The following PREX2 variants were observed in gnomAD, a reference collection of about 807,000 sequenced individuals.
PREX2 encodes phosphatidylinositol-3,4,5-trisphosphate dependent Rac exchange factor 2, also known as phosphatidylinositol 3,4,5-trisphosphate-dependent Rac exchanger 2 protein.
PREX2 carries 107 observed loss-of-function variants against 203.2 expected under a neutral mutation model. That is an observed-to-expected ratio of 0.53 (90% CI 0.45 to 0.62). The LOEUF is 0.62. Among genes scored for constraint, PREX2 ranks in the 20% least tolerant of loss-of-function variants. PREX2 has a pLI of 0.00. For missense variants in PREX2, 1,777 were observed against 1,955.9 expected (o/e 0.91, Z 1.72); for synonymous variants, 672 against 663.6 (o/e 1.01, Z -0.19).
chr8:68,124,323 C>CTAA (rs1431669251), intron 30 of PREX2, among the ~76,000 whole-genome samples: 3 of 151,966 alleles, frequency 2.0e-5, no homozygotes, highest in Admixed American at 2.0e-4. Context: ...AAAGAATGAG[C>CTAA]TAATGTCCTT....
intron 15 of PREX2, 22 bp from the exon 16 acceptor site, chr8:68,080,421 T>C: frequency 4.4e-6 from 7 of 1,605,772 alleles, no homozygotes; most frequent in Non-Finnish European, 5.1e-6. Context: ...CTGAAATAAT[T>C]TGCATCTGTC....
At chr8:68,168,276 C>G (rs1025464553) in intron 35 of PREX2, among the ~76,000 whole-genome samples, 1 of 152,066 alleles carries the variant, frequency 6.6e-6, no homozygotes, top group African/African-American at 2.4e-5. Flanking sequence ...GTATAACTAG[C>G]AGGGAGAAAT....
intron 1 of PREX2, among the ~76,000 whole-genome samples, chr8:67,991,566 A>G (rs1240217843): frequency 6.6e-6 from 1 of 152,204 alleles, no homozygotes; most frequent in Non-Finnish European, 1.5e-5. Context: ...GTATAAAATC[A>G]TCAGATCTCA....
At chr8:68,055,371 A>G (rs754451900) in intron 9 of PREX2, among the ~76,000 whole-genome samples, 1 of 152,226 alleles carries the variant, frequency 6.6e-6, no homozygotes, top group Non-Finnish European at 1.5e-5. Flanking sequence ...ACACCTGTGC[A>G]TTCAAGACAG....
At chr8:68,006,279 G>A (rs977732965) in intron 1 of PREX2, among the ~76,000 whole-genome samples, 5 of 152,152 alleles carry the variant, frequency 3.3e-5, no homozygotes, top group African/African-American at 1.2e-4. Flanking sequence ...ATGAAGGGAG[G>A]CACCAGTTTC....
At chr8:68,108,413 T>G in intron 24 of PREX2, 82 bp downstream of exon 24, 1 of 902,152 alleles carries the variant, frequency 1.1e-6, no homozygotes, top group Non-Finnish European at 1.7e-6. Context: ...TGAAATTCAA[T>G]AGATACCTGG....
Position 68,134,632 on chromosome 8 carries a change from A to T in PREX2, c.3984+356A>T, listed in dbSNP as rs1376478469. ...AGTCGAAGGACACAGGCTGCTGTGA[A>T]ACCAAAGCTCCTATTGAGATGGATG... On this transcript the variant is annotated intron_variant, in intron 32 of 39. Coordinates refer to ENST00000288368, the MANE Select transcript of PREX2 (RefSeq NM_024870.4). Among the ~76,000 whole-genome samples, 3 of 152,204 alleles carry T rather than the reference A, an allele frequency of 2.0e-5. No individual in the cohort carries two copies. In the East Asian group the frequency reaches 5.8e-4, roughly 29 times the overall value.
intron 1 of PREX2, among the ~76,000 whole-genome samples, chr8:68,014,175 C>G (rs1807345515): frequency 6.6e-6 from 1 of 152,262 alleles, no homozygotes; most frequent in Non-Finnish European, 1.5e-5. Context: ...CTTATTTCAT[C>G]TTAATGAGTT....
intron 20 of PREX2, among the ~76,000 whole-genome samples, chr8:68,093,279 A>G (rs13249399): frequency 0.1 from 15,226 of 150,992 alleles, 945 homozygotes; most frequent in East Asian, 0.28. Context: ...AATGCCAGCT[A>G]CTCAGTTGGT....
chr8:68,074,352 A>T (rs1585761065), intron 14 of PREX2, among the ~76,000 whole-genome samples: 1 of 152,100 alleles, frequency 6.6e-6, no homozygotes, highest in African/African-American at 2.4e-5. Flanking sequence ...ATTGGCTGGG[A>T]CTCACAACCT....
intron 6 of PREX2, among the ~76,000 whole-genome samples, chr8:68,033,039 G>A (rs1245613985): frequency 4.6e-5 from 7 of 152,094 alleles, no homozygotes; most frequent in Non-Finnish European, 1.0e-4. Context: ...TCTATTATGG[G>A]TGGATTATTC....
chr8:67,978,862 G>A (rs1241647168), intron 1 of PREX2, among the ~76,000 whole-genome samples: 2 of 152,124 alleles, frequency 1.3e-5, no homozygotes, highest in Non-Finnish European at 2.9e-5. Flanking sequence ...ATAGCTTAGA[G>A]TAGTTATTCA....
intron 1 of PREX2, among the ~76,000 whole-genome samples, chr8:68,001,594 G>T (rs1040555549): frequency 5.9e-5 from 9 of 152,128 alleles, no homozygotes; most frequent in African/African-American, 2.2e-4. Context: ...TCATTACTGG[G>T]TATGTATCCA....
chr8:68,180,900 T>C (rs1305322685), intron 35 of PREX2, among the ~76,000 whole-genome samples: 1 of 152,116 alleles, frequency 6.6e-6, no homozygotes, highest in Admixed American at 6.6e-5. Context: ...AGAGGAGTTA[T>C]TGGACTATGT....
At position 68,017,902 on chromosome 8, in the gene PREX2, A is replaced by T. The variant is rs762556183; in HGVS notation, c.198A>T (p.Thr66=). The change falls in exon 2 of 40, where the codon ACA becomes ACT. Residue 66 remains threonine (T), a synonymous_variant. Coordinates refer to ENST00000288368, the MANE Select transcript of PREX2 (RefSeq NM_024870.4). ...CATCAAAAGTTGACAAAAATGTGAC[A>T]GAAGAAACAGTGAAGGTGAGGAGGT... ...CAASKVDKNV[T]EETVKMLFSN... is the part of the protein sequence containing the mutation. 7 of 1,612,154 alleles carry T rather than the reference A, an allele frequency of 4.3e-6. No individual in the cohort carries two copies. In the African/African-American group the frequency reaches 8.0e-5, roughly 18 times the overall value.
At chr8:68,225,765 A>G (rs968440518) in intron 39 of PREX2, among the ~76,000 whole-genome samples, 2 of 152,222 alleles carry the variant, frequency 1.3e-5, no homozygotes, top group African/African-American at 4.8e-5. Context: ...ACAGTTGATT[A>G]GGTTAGAATC....
chr8:68,181,891 G>C (rs968901661), intron 35 of PREX2, among the ~76,000 whole-genome samples: 1 of 152,020 alleles, frequency 6.6e-6, no homozygotes, highest in Admixed American at 6.6e-5. Context: ...GGTACTTATG[G>C]TTTAGTGGGG....
intron 26 of PREX2, among the ~76,000 whole-genome samples, chr8:68,116,162 T>C (rs1430202382): frequency 1.3e-5 from 2 of 152,232 alleles, no homozygotes; most frequent in Non-Finnish European, 2.9e-5. Flanking sequence ...TCGCTGGTTG[T>C]GTGAGCCTAA....
At chr8:68,127,030 G>A (rs975490337) in intron 30 of PREX2, among the ~76,000 whole-genome samples, 8 of 152,000 alleles carry the variant, frequency 5.3e-5, no homozygotes, top group Non-Finnish European at 1.0e-4. Context: ...AGAACACCAA[G>A]CAGGCTAAAA....
Sources: allele counts gnomAD v4.1 joint callset (sites outside exome capture counted in the v4.1 genomes callset), GRCh38; gene constraint gnomAD v4.1.1; transcripts MANE v1.5; gene names NCBI Gene and HGNC (gene_info 2026-07-23, HGNC 2026-07-21).